KIF6: variants seen among roughly 807,000 people sequenced by gnomAD.
KIF6 encodes kinesin family member 6.
Under a neutral mutation model 112.7 loss-of-function variants are expected in KIF6, and 106 were observed. The ratio of observed to expected loss-of-function variants is 0.94; its 90% CI spans 0.80 to 1.11. The LOEUF is 1.11. Among genes scored for constraint, KIF6 ranks in the 50% least tolerant of loss-of-function variants. The probability of loss-of-function intolerance (pLI) is 0.00; values close to 1 mark genes in which losing one functional copy is unlikely to be tolerated. For synonymous variants in KIF6, 339 were observed against 339.9 expected (o/e 1.00, Z 0.03); for missense variants, 929 against 964.0 (o/e 0.96, Z 0.48).
At chr6:39,454,893 C>G (rs1172855451) in intron 13 of KIF6, among the ~76,000 whole-genome samples, 1 of 152,182 alleles carries the variant, frequency 6.6e-6, no homozygotes, top group African/African-American at 2.4e-5. Flanking sequence ...TCGCTGATTG[C>G]TAGCACAGCA....
chr6:39,525,430 A>C (rs1383438584), intron 13 of KIF6, among the ~76,000 whole-genome samples: 1 of 152,196 alleles, frequency 6.6e-6, no homozygotes, highest in Non-Finnish European at 1.5e-5. Context: ...GGCAATATTC[A>C]TCCTAGTTTA....
At chr6:39,490,264 A>T (rs1775394572) in intron 13 of KIF6, among the ~76,000 whole-genome samples, 1 of 152,260 alleles carries the variant, frequency 6.6e-6, no homozygotes, top group Non-Finnish European at 1.5e-5. Context: ...AGTCTGATCC[A>T]TGCAGCAGAA....
chr6:39,460,548 A>G (rs1020328973), intron 13 of KIF6, among the ~76,000 whole-genome samples: 2 of 149,694 alleles, frequency 1.3e-5, no homozygotes, highest in African/African-American at 4.9e-5. Flanking sequence ...AAAAAAAAAA[A>G]AAAAAAAAAA....
At chr6:39,684,608 C>T (rs1787741415) in intron 3 of KIF6, among the ~76,000 whole-genome samples, 1 of 136,016 alleles carries the variant, frequency 7.4e-6, no homozygotes, top group Admixed American at 7.9e-5. Context: ...AAGAGCAAAC[C>T]TCTGTCTCAA....
chr6:39,590,280 A>G (rs1462603924), intron 7 of KIF6, among the ~76,000 whole-genome samples: 1 of 152,118 alleles, frequency 6.6e-6, no homozygotes, highest in East Asian at 1.9e-4. Flanking sequence ...AAGTTCTTAT[A>G]TAAAACAAAT....
chr6:39,502,825 G>T (rs1406661660), intron 13 of KIF6, among the ~76,000 whole-genome samples: 6 of 152,146 alleles, frequency 3.9e-5, no homozygotes, highest in African/African-American at 1.4e-4. Flanking sequence ...CTCAATACAG[G>T]AGCACCTAAA....
intron 4 of KIF6, among the ~76,000 whole-genome samples, chr6:39,638,342 T>C (rs762610644): frequency 3.3e-5 from 5 of 152,130 alleles, no homozygotes; most frequent in African/African-American, 1.2e-4. Context: ...GGTTGACCTG[T>C]ACCTCCAGTG....
Position 39,529,676 on chromosome 6 carries a change from A to G in KIF6, c.1645+10327T>C, listed in dbSNP as rs150991691. Among the ~76,000 whole-genome samples, 773 of 152,222 alleles carry G rather than the reference A, an allele frequency of 5.1e-3. 5 individuals carry two copies. Among genetic ancestry groups the G allele is most frequent in the African/African-American group, 0.017 (725 of 41,540 alleles). ...GTGGTGGGCGCCTGTAGTCCCAGCT[A>G]CTTGGGAGGGTGAGGCAGGAGAATG... On this transcript the variant is annotated intron_variant, in intron 13 of 22. Transcript: ENST00000287152.
At chr6:39,560,405 C>A (rs1779948942) in intron 10 of KIF6, among the ~76,000 whole-genome samples, 1 of 152,176 alleles carries the variant, frequency 6.6e-6, no homozygotes, top group Admixed American at 6.5e-5. Flanking sequence ...AGGCAAGAAT[C>A]CAACTTGATA....
rs541383050 is a variant in KIF6, at chr6:39,435,263, T to C, written c.1646-4102A>G. 2.0e-5 allele frequency among the ~76,000 whole-genome samples: 3 copies of C among 152,272 alleles called. No homozygotes were observed. The East Asian group carries it at 5.8e-4, about 29-fold the overall frequency. ...AAAATGTTGATTTATTTTTACAATATCACAGAAAAACAGAACCATATATGT... is the reference window on the plus strand; with the variant it reads ...AAAATGTTGATTTATTTTTACAATACCACAGAAAAACAGAACCATATATGT... On this transcript the variant is annotated intron_variant, in intron 13 of 22. Coordinates refer to ENST00000287152, the MANE Select transcript of KIF6 (RefSeq NM_145027.6).
chr6:39,354,037 C>G, intron 19 of KIF6: 1 of 344,550 alleles, frequency 2.9e-6, no homozygotes, highest in Non-Finnish European at 5.8e-6. Flanking sequence ...ATGGCAATGA[C>G]CAGCCTACAT....
Position 39,342,972 on chromosome 6 carries a change from A to G in KIF6, c.2428+737T>C, listed in dbSNP as rs1314724056. The stretch of plus-strand genomic sequence containing the variant: ...GCGCCTTTCTGGCAATGTGAAGGCA[A>G]TGTTAAGCCTGCCTAGTAGCCTTTG... On this transcript the variant is annotated intron_variant, in intron 22 of 22. Transcript: ENST00000287152. This position sits in a 1 kb window ranked among gnomAD's most constrained non-coding sequence, Gnocchi z 4.7. The G allele has an allele frequency of 9.1e-6, 9 of 985,324 alleles. No homozygotes were observed. The highest frequency in any genetic ancestry group is 9.6e-6 in the Non-Finnish European group (8 of 829,932). The allele number at this position is 985,324 out of a possible 1,614,324, so 61.0% of individuals were successfully genotyped here. A position where few individuals can be genotyped will look rare whatever the true frequency, so the allele number is the denominator to read the frequency against.
At position 39,463,576 on chromosome 6, in the gene KIF6, C is replaced by G. The variant is rs536344194; in HGVS notation, c.1646-32415G>C. ...ATCATTGAAATTATAAAAGTGTACT[C>G]ATCTTTTTTACTTCTCATCACATCA... On this transcript the variant is annotated intron_variant, in intron 13 of 22. Transcript: ENST00000287152. Among the ~76,000 whole-genome samples, 3 of 152,312 alleles carry G rather than the reference C, an allele frequency of 2.0e-5. No individual in the cohort carries two copies. The South Asian group carries it at 6.2e-4, about 32-fold the overall frequency.
intron 13 of KIF6, among the ~76,000 whole-genome samples, chr6:39,447,827 A>C (rs1270821698): frequency 6.6e-6 from 1 of 151,914 alleles, no homozygotes; most frequent in African/African-American, 2.4e-5. Flanking sequence ...TCCATCCCCT[A>C]TACTCCACTG....
intron 13 of KIF6, among the ~76,000 whole-genome samples, chr6:39,478,279 G>A (rs1774564545): frequency 6.6e-6 from 1 of 152,084 alleles, no homozygotes; most frequent in Admixed American, 6.5e-5. Flanking sequence ...CCACTTATGA[G>A]TGAGAACATA....
At chr6:39,346,085 TCCC>T (rs367850137) in intron 20 of KIF6, among the ~76,000 whole-genome samples, 1,796 of 21,522 alleles carry the variant, frequency 0.083, 226 homozygotes, top group African/African-American at 0.094. Flanking sequence ...TCTCTCTCTC[TCCC>T]CCCCCTCTCC....
At position 39,384,650 on chromosome 6, in the gene KIF6, G is replaced by A. The variant is rs149514929; in HGVS notation, c.1861+972C>T. On this transcript the variant is annotated intron_variant, in intron 16 of 22. Coordinates refer to ENST00000287152, the MANE Select transcript of KIF6 (RefSeq NM_145027.6). The stretch of plus-strand genomic sequence containing the variant: ...AATTACCAAAGTCAAATGAGCCATC[G>A]TCATGACTTTAGAGGCTCTCCTCTA... Among the ~76,000 whole-genome samples the A allele has an allele frequency of 3.0e-3, 454 of 152,274 alleles. 5 individuals are homozygous for A. The highest frequency in any genetic ancestry group is 0.01 in the African/African-American group (435 of 41,552).
chr6:39,548,189 TTCTAGGAAACGTTC>T, intron 10 of KIF6, among the ~76,000 whole-genome samples: 1 of 152,324 alleles, frequency 6.6e-6, no homozygotes, highest in South Asian at 2.1e-4. Context: ...CAAGTACATA[TTCTAGGAAACGTTC>T]TCTGAAGGAA....
chr6:39,615,656 A>G (rs1034391379), intron 5 of KIF6, among the ~76,000 whole-genome samples: 1 of 152,142 alleles, frequency 6.6e-6, no homozygotes, highest in Non-Finnish European at 1.5e-5. Flanking sequence ...TTCATTTTTA[A>G]TATCCCTTCT....
Sources: allele counts gnomAD v4.1 joint callset (sites outside exome capture counted in the v4.1 genomes callset), GRCh38; gene constraint gnomAD v4.1.1; non-coding constraint Gnocchi (gnomAD v3.1); transcripts MANE v1.5; gene names NCBI Gene and HGNC (gene_info 2026-07-23, HGNC 2026-07-21).